Variants in NSD3 observed in about 807,000 individuals in gnomAD.
NSD3 encodes the protein histone-lysine N-methyltransferase NSD3.
A neutral mutation model predicts 160.8 loss-of-function variants in NSD3; 24 were observed. That is an observed-to-expected ratio of 0.15 (90% CI 0.11 to 0.21). NSD3 has a LOEUF of 0.21. NSD3 is among the 10% of genes least tolerant of loss of function. The pLI, the probability that NSD3 is intolerant of heterozygous loss-of-function variation, is 1.00. For synonymous variants in NSD3, 520 were observed against 600.0 expected (o/e 0.87, Z 1.95); for missense variants, 1,157 against 1,735.9 (o/e 0.67, Z 5.93).
intron 2 of NSD3, among the ~76,000 whole-genome samples, chr8:38,342,098 C>A (rs919641710): frequency 6.6e-6 from 1 of 152,064 alleles, no homozygotes; most frequent in African/African-American, 2.4e-5. Flanking sequence ...AAGTTTTTTA[C>A]ACAGTCATTT....
At chr8:38,333,855 C>G (rs1043929523) in intron 4 of NSD3, among the ~76,000 whole-genome samples, 5 of 151,478 alleles carry the variant, frequency 3.3e-5, no homozygotes, top group Non-Finnish European at 7.4e-5. Context: ...GCCTGGGCGA[C>G]AGAGCGAGAC....
intron 14 of NSD3, chr8:38,303,315 C>T: frequency 1.0e-6 from 1 of 985,406 alleles, no homozygotes. Flanking sequence ...TATTTGCCCA[C>T]CTGTTACGAT....
intron 2 of NSD3, among the ~76,000 whole-genome samples, chr8:38,340,399 G>A (rs1029541961): frequency 9.9e-5 from 15 of 152,220 alleles, no homozygotes; most frequent in African/African-American, 2.4e-4. Flanking sequence ...GTGTGGTGGC[G>A]CCATCTCGGC....
chr8:38,376,435 CTTTCTT>C (rs1483617379), intron 1 of NSD3, among the ~76,000 whole-genome samples: 1 of 151,442 alleles, frequency 6.6e-6, no homozygotes. Context: ...CTAATTCTTT[CTTTCTT>C]TTTTTTTTTT....
At chr8:38,353,475 G>A (rs1810750807) in intron 1 of NSD3, among the ~76,000 whole-genome samples, 1 of 152,142 alleles carries the variant, frequency 6.6e-6, no homozygotes, top group Non-Finnish European at 1.5e-5. Context: ...TTGTATACAA[G>A]ATCAGCTTCC....
chr8:38,372,707 GCTGGT>G (rs1335577364), intron 1 of NSD3, among the ~76,000 whole-genome samples: 3 of 150,576 alleles, frequency 2.0e-5, no homozygotes, highest in Non-Finnish European at 4.4e-5. Context: ...TGTTGGCCAG[GCTGGT>G]CTCCAACTCC....
chr8:38,310,812 C>T (rs934316813), intron 12 of NSD3, among the ~76,000 whole-genome samples: 2 of 151,726 alleles, frequency 1.3e-5, no homozygotes, highest in Admixed American at 1.3e-4. Flanking sequence ...ACGCCTGGCC[C>T]CTTCTTTCAG....
intron 1 of NSD3, among the ~76,000 whole-genome samples, chr8:38,350,484 CTTT>C (rs1158219079): frequency 6.6e-6 from 1 of 152,146 alleles, no homozygotes; most frequent in Non-Finnish European, 1.5e-5. Flanking sequence ...TAAATGTCTT[CTTT>C]TGAGACGTAT....
At chr8:38,285,943 TATC>T (rs1326136689) in intron 19 of NSD3, among the ~76,000 whole-genome samples, 1 of 152,124 alleles carries the variant, frequency 6.6e-6, no homozygotes, top group Admixed American at 6.6e-5. Flanking sequence ...CTTTCCTCCT[TATC>T]ATATGTTCTC....
intron 4 of NSD3, among the ~76,000 whole-genome samples, chr8:38,335,019 C>G (rs1810180306): frequency 7.0e-6 from 1 of 142,642 alleles, no homozygotes; most frequent in Admixed American, 7.2e-5. Flanking sequence ...AAGTCTCACT[C>G]TGTCACCCAG....
chr8:38,313,995 G>A (rs200486479), intron 12 of NSD3, among the ~76,000 whole-genome samples: 1 of 151,624 alleles, frequency 6.6e-6, no homozygotes. Context: ...CTAAAACAAA[G>A]CAAAACAAAA....
intron 4 of NSD3, among the ~76,000 whole-genome samples, chr8:38,332,842 T>A (rs1810100070): frequency 6.6e-6 from 1 of 152,220 alleles, no homozygotes; most frequent in East Asian, 1.9e-4. Context: ...CGAAAAATAG[T>A]CTGAAAAATA....
At chr8:38,377,300 T>A (rs1811417873) in intron 1 of NSD3, among the ~76,000 whole-genome samples, 1 of 151,944 alleles carries the variant, frequency 6.6e-6, no homozygotes, top group Admixed American at 6.6e-5. Context: ...GTGATCCTCC[T>A]GCCTCAGCCT....
rs1808570022 is a variant in NSD3, at chr8:38,275,195, A to G, written c.*446T>C. 1 of 244,772 alleles carries G rather than the reference A, an allele frequency of 4.1e-6. No homozygotes were observed. The highest frequency in any genetic ancestry group is 2.2e-5 in the African/African-American group (1 of 45,422). The allele number at this position is 244,772 out of a possible 1,614,324, so 15.2% of individuals were successfully genotyped here. A position where few individuals can be genotyped will look rare whatever the true frequency, so the allele number is the denominator to read the frequency against. On this transcript the variant is annotated 3_prime_UTR_variant, in exon 24 of 24. Coordinates refer to ENST00000317025, the MANE Select transcript of NSD3 (RefSeq NM_023034.2). ...TCAGATTCCTACTTAAAACACACAC[A>G]CACTTGATTAGACTATTGAACTACA...
chr8:38,280,829 T>G (rs1337032574), intron 20 of NSD3, among the ~76,000 whole-genome samples: 1 of 151,842 alleles, frequency 6.6e-6, no homozygotes, highest in African/African-American at 2.4e-5. Context: ...CACAGTTCAC[T>G]ACAGCCTTGA....
At position 38,271,064 on chromosome 8, in the gene NSD3, T is replaced by G. The variant is rs935825364; in HGVS notation, c.*4577A>C. 6.6e-6 allele frequency: 1 copy of G among 152,118 alleles called. No homozygotes were observed. The highest frequency in any genetic ancestry group is 1.5e-5 in the Non-Finnish European group (1 of 68,014). The allele number at this position is 152,118 out of a possible 1,614,324, so 9.4% of individuals were successfully genotyped here. A position where few individuals can be genotyped will look rare whatever the true frequency, so the allele number is the denominator to read the frequency against. Reference sequence around the variant, plus strand: ...GTGCTTGGGGAGAGGGTTGACAAAATGACAAAATAAAGAATGTACATAAAA... The same window carrying G: ...GTGCTTGGGGAGAGGGTTGACAAAAGGACAAAATAAAGAATGTACATAAAA... On this transcript the variant is annotated 3_prime_UTR_variant, in exon 24 of 24. Transcript: ENST00000317025.
At position 38,382,055 on chromosome 8, in the gene NSD3, G is replaced by T. The variant is rs986938219; in HGVS notation, c.-301C>A. The T allele has an allele frequency of 2.0e-5, 3 of 153,022 alleles. No homozygotes were observed. Among genetic ancestry groups the T allele is most frequent in the African/African-American group, 7.2e-5 (3 of 41,444 alleles). 9.5% of individuals were successfully genotyped at this position (153,022 alleles called of 1,614,324 possible). A position where few individuals can be genotyped will look rare whatever the true frequency, so the allele number is the denominator to read the frequency against. ...GGGAAGAGGAAGGCTCGGGAGGTGG[G>T]ATGGGAAGGGGAGGCCGAGGGACGG... is the stretch of plus-strand genomic sequence containing the variant. On this transcript the variant is annotated 5_prime_UTR_variant, in exon 1 of 24. Coordinates refer to ENST00000317025, the MANE Select transcript of NSD3 (RefSeq NM_023034.2). The surrounding 1 kb of genome is among the most constrained non-coding windows in gnomAD (Gnocchi z 4.2).
At chr8:38,279,851 T>C (rs1390263703) in intron 20 of NSD3, 170 bp from the exon 21 acceptor site, 3 of 640,668 alleles carry the variant, frequency 4.7e-6, no homozygotes, top group Non-Finnish European at 7.7e-6. Context: ...CTCTCCTTTA[T>C]TTGATGACCT....
chr8:38,367,986 C>CT lies in NSD3; in HGVS notation c.-45+13812dup, dbSNP rs746156486. 9.2e-4 allele frequency among the ~76,000 whole-genome samples: 138 copies of CT among 149,410 alleles called. No homozygotes were observed. In the East Asian group the frequency reaches 0.017, roughly 19 times the overall value. On this transcript the variant is annotated intron_variant, in intron 1 of 23. Coordinates refer to ENST00000317025, the MANE Select transcript of NSD3 (RefSeq NM_023034.2). ...TTAAACTATTAATAAAGCAAAATAT[C>CT]TTTTTTTTTTGAGACAGAGATTTGC...
Sources: allele counts gnomAD v4.1 joint callset (sites outside exome capture counted in the v4.1 genomes callset), GRCh38; gene constraint gnomAD v4.1.1; non-coding constraint Gnocchi (gnomAD v3.1); transcripts MANE v1.5; gene names NCBI Gene and HGNC (gene_info 2026-07-23, HGNC 2026-07-21).